Variants in MAPKBP1 observed in about 807,000 individuals in gnomAD.
The protein encoded by MAPKBP1 is mitogen-activated protein kinase binding protein 1, also known as mitogen-activated protein kinase-binding protein 1.
In MAPKBP1, 71 loss-of-function variants were observed where a neutral mutation model predicts 170.5. The ratio of observed to expected loss-of-function variants is 0.42; its 90% confidence interval spans 0.34 to 0.51. The LOEUF (loss-of-function observed/expected upper bound fraction) is 0.51. Among genes scored for constraint, MAPKBP1 ranks in the 20% least tolerant of loss-of-function variants. The pLI is 0.06. For missense variants in MAPKBP1, 1,598 were observed against 1,933.0 expected (o/e 0.83, Z 3.25); for synonymous variants, 719 against 757.9 (o/e 0.95, Z 0.84).
In MAPKBP1 at chr15:41,822,826, C is replaced by G. The variant is rs993425061; in HGVS notation, c.3315-113C>G. On this transcript the variant is annotated intron_variant, in intron 27 of 30. Coordinates refer to ENST00000457542, the MANE Select transcript of MAPKBP1 (RefSeq NM_014994.3). ...CTAACTGGCCTTTCCCCAGCCCTATCTGGCTTTGTGCTTGTTCTCTCCTAG... is the reference window on the plus strand; with the variant it reads ...CTAACTGGCCTTTCCCCAGCCCTATGTGGCTTTGTGCTTGTTCTCTCCTAG... 7.5e-6 allele frequency: 11 copies of G among 1,475,154 alleles called. No homozygotes were observed. In the African/African-American group the frequency reaches 1.3e-4, roughly 17 times the overall value. The allele number at this position is 1,475,154 out of a possible 1,614,324, so 91.4% of individuals were successfully genotyped here.
chr15:41,815,594 T>C (rs764387739), intron 11 of MAPKBP1, 30 bp from the exon 12 acceptor site: 1 of 1,603,542 alleles, frequency 6.2e-7, no homozygotes, highest in South Asian at 1.1e-5. Context: ...CAGGCCTGCC[T>C]CATCCACCTT....
Position 41,812,113 on chromosome 15 carries a change from G to C in MAPKBP1, c.484G>C (p.Val162Leu). The C allele has an allele frequency of 6.2e-7, 1 of 1,614,130 alleles. No homozygotes were observed. Among genetic ancestry groups the C allele is most frequent in the South Asian group, 1.1e-5 (1 of 91,074 alleles). ...CTACCAGCATGACATGATCGTCAAC[G>C]TGTGGGCCTGGAAGGTGAGTGGCTG... ...VGYQHDMIVN[V>L]WAWKKNIVVA... Residue 162 changes from valine to leucine, a missense_variant, in exon 6 of 31, where the codon GTG becomes CTG. By Grantham distance (32) the Val-to-Leu change is conservative. Coordinates refer to ENST00000457542, the MANE Select transcript of MAPKBP1 (RefSeq NM_014994.3).
Position 41,826,971 on chromosome 15 carries a change from C to G in MAPKBP1, c.*1535C>G, listed in dbSNP as rs953991980. ...AGGCCACGAGAGCCCCTTCACCCGCCCTGCTGCGCCATAGGCAGAGGCTTA... is the reference window on the plus strand; with the variant it reads ...AGGCCACGAGAGCCCCTTCACCCGCGCTGCTGCGCCATAGGCAGAGGCTTA... On this transcript the variant is annotated 3_prime_UTR_variant, in exon 31 of 31. Coordinates refer to ENST00000457542, the MANE Select transcript of MAPKBP1 (RefSeq NM_014994.3). 6.6e-6 allele frequency: 1 copy of G among 152,222 alleles called. No homozygotes were observed. The highest frequency in any genetic ancestry group is 1.5e-5 in the Non-Finnish European group (1 of 68,084). 9.4% of individuals were successfully genotyped at this position (152,222 alleles called of 1,614,324 possible).
rs1005012851 is a variant in MAPKBP1 at position 41,791,244 on chromosome 15, G to C, written c.115-8579G>C. ...AAGTAGCTGGTGGCAACAAAACATAGCAACAAAAACAGATCTTTTTCCTCA... is the reference window on the plus strand; with the variant it reads ...AAGTAGCTGGTGGCAACAAAACATACCAACAAAAACAGATCTTTTTCCTCA... On this transcript the variant is annotated intron_variant, in intron 2 of 30. Transcript: ENST00000457542. Among the ~76,000 whole-genome samples, 18 of 144,224 alleles carry C rather than the reference G, an allele frequency of 1.2e-4. 1 individual carries two copies. The South Asian group carries it at 2.0e-3, about 16-fold the overall frequency. The allele number at this position is 144,224 out of a possible 152,430, so 94.6% of individuals were successfully genotyped here. A position where few individuals can be genotyped will look rare whatever the true frequency, so the allele number is the denominator to read the frequency against.
At chr15:41,824,974 T>C in intron 30 of MAPKBP1, 1 of 493,208 alleles carries the variant, frequency 2.0e-6, no homozygotes, top group Admixed American at 3.7e-5. Flanking sequence ...CTGCCGGAGT[T>C]GTCATAAGGA....
chr15:41,799,788 G>C (rs372053869), intron 2 of MAPKBP1, 35 bp from the exon 3 acceptor site: 2 of 1,566,944 alleles, frequency 1.3e-6, no homozygotes, highest in African/African-American at 1.4e-5. Context: ...AACACACTCT[G>C]TCTGTAACAT....
chr15:41,783,885 T>C lies in MAPKBP1; in HGVS notation c.114+8496T>C, dbSNP rs142633256. 6.9e-4 allele frequency among the ~76,000 whole-genome samples: 105 copies of C among 152,282 alleles called. 3 individuals carry two copies. The East Asian group carries it at 0.018, about 26-fold the overall frequency. On this transcript the variant is annotated intron_variant, in intron 2 of 30. Transcript: ENST00000457542. ...TCAGCTGGGCGTGGTCGCGGGTGCCTGTAGCCCCAGCTACTCAGGAGGCTG... is the reference window on the plus strand; with the variant it reads ...TCAGCTGGGCGTGGTCGCGGGTGCCCGTAGCCCCAGCTACTCAGGAGGCTG...
intron 3 of MAPKBP1, among the ~76,000 whole-genome samples, chr15:41,809,244 A>G (rs767108568): frequency 3.3e-5 from 5 of 151,924 alleles, no homozygotes; most frequent in Middle Eastern, 3.4e-3. Context: ...AAACAGGAAC[A>G]AGGAAAGAGT....
At position 41,821,033 on chromosome 15, in the gene MAPKBP1, G is replaced by A. The variant is rs752878156; in HGVS notation, c.2683G>A (p.Gly895Arg). 1.2e-6 allele frequency: 2 copies of A among 1,614,170 alleles called. No homozygotes were observed. Among genetic ancestry groups the A allele is most frequent in the Admixed American group, 3.3e-5 (2 of 60,020 alleles). Residue 895 changes from glycine (G) to arginine (R), a missense_variant, in exon 23 of 31, where the codon GGG becomes AGG. Physicochemically the swap from Gly to Arg is moderately radical, Grantham distance 125 (BLOSUM62 -2). This residue lies in a region of MAPKBP1 where 942 missense variants were observed against 953.2 expected (regional missense o/e 0.99). Coordinates refer to ENST00000457542, the MANE Select transcript of MAPKBP1 (RefSeq NM_014994.3). ...AIIPSGPRKHGQEALETSLTS... is the reference protein window; with the variant it reads ...AIIPSGPRKHRQEALETSLTS... ...CATCCCATCTGGTCCCAGGAAGCATGGGCAGGAGGCCCTTGAGACTTCACT... is the reference window on the plus strand; with the variant it reads ...CATCCCATCTGGTCCCAGGAAGCATAGGCAGGAGGCCCTTGAGACTTCACT...
Position 41,818,817 on chromosome 15 carries a change from C to T in MAPKBP1, c.2157-6C>T. 1 of 1,613,708 alleles carries T rather than the reference C, an allele frequency of 6.2e-7. No homozygotes were observed. The highest frequency in any genetic ancestry group is 8.5e-7 in the Non-Finnish European group (1 of 1,179,612). On this transcript the variant is annotated splice_region_variant and splice_polypyrimidine_tract_variant and intron_variant, in intron 19 of 30. Transcript: ENST00000457542. This position sits in a 1 kb window ranked among gnomAD's most constrained non-coding sequence, Gnocchi z 5.2. ...TCCTTCAGCCAACTGTGTGGCTTTA[C>T]CCCAGCTGCATATTTGTGTGGCGCC... is the stretch of plus-strand genomic sequence containing the variant.
In MAPKBP1 at chr15:41,774,997, T is replaced by G. The variant is rs567335255; in HGVS notation, c.-109-170T>G. 7.8e-4 allele frequency: 371 copies of G among 477,778 alleles called. 1 individual carries two copies. In the South Asian group the frequency reaches 0.01, roughly 13 times the overall value. The allele number at this position is 477,778 out of a possible 1,614,324, so 29.6% of individuals were successfully genotyped here. A position where few individuals can be genotyped will look rare whatever the true frequency, so the allele number is the denominator to read the frequency against. On this transcript the variant is annotated intron_variant, in intron 1 of 30. Coordinates refer to ENST00000457542, the MANE Select transcript of MAPKBP1 (RefSeq NM_014994.3). The stretch of plus-strand genomic sequence containing the variant: ...CTGGCATTTCTTCGTGGCTTAGGAT[T>G]TTCCCCCCCTTTTTCGTGAGCCTTT...
chr15:41,800,919 G>A (rs2064580841), intron 3 of MAPKBP1, among the ~76,000 whole-genome samples: 1 of 151,820 alleles, frequency 6.6e-6, no homozygotes, highest in Non-Finnish European at 1.5e-5. Flanking sequence ...TTTTTTTGTA[G>A]AGACAGGGTC....
Position 41,814,554 on chromosome 15 carries a change from C to T in MAPKBP1, c.985C>T (p.Leu329Phe). The change falls in exon 10 of 31, where the codon CTC becomes TTC. Residue 329 changes from leucine (L) to phenylalanine (F), a missense_variant. This residue lies in a region of MAPKBP1 where 430 missense variants were observed against 617.2 expected (regional missense o/e 0.70). Coordinates refer to ENST00000457542, the MANE Select transcript of MAPKBP1 (RefSeq NM_014994.3). ...DIASVTEASR[L>F]FSGVANARYP... ...TGCCCTGTCCTCTCCCTACAGTCGC[C>T]TCTTCTCTGGAGTGGCGAATGCCAG... 1 of 1,614,006 alleles carries T rather than the reference C, an allele frequency of 6.2e-7. No individual in the cohort carries two copies. Among genetic ancestry groups the T allele is most frequent in the South Asian group, 1.1e-5 (1 of 91,066 alleles).
In MAPKBP1 at chr15:41,811,206, C is replaced by A; in HGVS notation, c.298C>A (p.Pro100Thr). ...RKTITALAFS[P>T]DGKYLVTGES... ...AACCATCACTGCCCTTGCCTTCTCC[C>A]CTGATGGCAAGTACTTGGTCACTGG... Residue 100 changes from proline to threonine, a missense_variant, in exon 5 of 31, where the codon CCT (proline) becomes ACT (threonine). Pro to Thr is a conservative substitution (Grantham distance 38). Transcript: ENST00000457542. 6.2e-7 allele frequency: 1 copy of A among 1,614,242 alleles called. No homozygotes were observed. The highest frequency in any genetic ancestry group is 8.5e-7 in the Non-Finnish European group (1 of 1,180,046).
intron 2 of MAPKBP1, among the ~76,000 whole-genome samples, chr15:41,786,424 G>A (rs559705857): frequency 2.0e-4 from 31 of 152,056 alleles, no homozygotes; most frequent in African/African-American, 4.3e-4. Flanking sequence ...TTTAAAATCC[G>A]TATGCTCATT....
chr15:41,782,714 C>T (rs1296503301), intron 2 of MAPKBP1, among the ~76,000 whole-genome samples: 1 of 151,782 alleles, frequency 6.6e-6, no homozygotes, highest in Non-Finnish European at 1.5e-5. Flanking sequence ...GCACTGACTG[C>T]AGAAGTGTGC....
chr15:41,775,887 CT>C (rs1448384546), intron 2 of MAPKBP1, among the ~76,000 whole-genome samples: 1 of 152,152 alleles, frequency 6.6e-6, no homozygotes, highest in African/African-American at 2.4e-5. Context: ...TTTTTTTTGT[CT>C]CTTCAAGAGG....
At chr15:41,807,014 C>G (rs964983422) in intron 3 of MAPKBP1, among the ~76,000 whole-genome samples, 1 of 152,222 alleles carries the variant, frequency 6.6e-6, no homozygotes, top group Non-Finnish European at 1.5e-5. Context: ...CTGTCTTTCT[C>G]TTGTTGGATG....
chr15:41,795,903 C>T (rs918594368), intron 2 of MAPKBP1, among the ~76,000 whole-genome samples: 4 of 152,320 alleles, frequency 2.6e-5, no homozygotes, highest in South Asian at 4.1e-4. Context: ...GCCACCACAC[C>T]CGGCCTCTCA....
Sources: allele counts gnomAD v4.1 joint callset (sites outside exome capture counted in the v4.1 genomes callset), GRCh38; gene constraint gnomAD v4.1.1; regional missense constraint gnomAD v4.1.1; non-coding constraint Gnocchi (gnomAD v3.1); transcripts MANE v1.5; gene names NCBI Gene and HGNC (gene_info 2026-07-23, HGNC 2026-07-21).